The following FREM2 variants were observed in gnomAD, a reference collection of about 807,000 sequenced individuals.
The protein encoded by FREM2 is FRAS1 related extracellular matrix 2, also known as FRAS1-related extracellular matrix protein 2.
FREM2 carries 119 observed loss-of-function variants against 219.9 expected under a neutral mutation model. That is an observed-to-expected ratio of 0.54 (90% CI 0.47 to 0.63). The LOEUF is 0.63. Among genes scored for constraint, FREM2 ranks in the 30% least tolerant of loss-of-function variants. FREM2 has a pLI of 0.00. For missense variants in FREM2, 4,030 were observed against 3,993.6 expected (o/e 1.01, Z -0.25); for synonymous variants, 1,562 against 1,522.8 (o/e 1.03, Z -0.60).
At chr13:38,834,458 A>G (rs562994947) in intron 6 of FREM2, among the ~76,000 whole-genome samples, 186 of 152,288 alleles carry the variant, frequency 1.2e-3, no homozygotes, top group African/African-American at 4.3e-3. Flanking sequence ...ATCTTTGGCT[A>G]TATACCCAGT....
chr13:38,850,261 G>T (rs375180649), intron 9 of FREM2, 26 bp downstream of exon 9: 30 of 1,608,494 alleles, frequency 1.9e-5, no homozygotes, highest in Non-Finnish European at 2.0e-5. Flanking sequence ...AAATTTTTTC[G>T]TGAAATTTGA....
intron 6 of FREM2, among the ~76,000 whole-genome samples, chr13:38,802,325 C>G (rs1290382090): frequency 6.6e-6 from 1 of 152,160 alleles, no homozygotes; most frequent in Admixed American, 6.5e-5. Context: ...CCCACAGCAG[C>G]CGGCAACAGT....
intron 2 of FREM2, among the ~76,000 whole-genome samples, chr13:38,748,897 G>A (rs569270839): frequency 2.6e-5 from 4 of 152,162 alleles, no homozygotes; most frequent in Non-Finnish European, 5.9e-5. Context: ...AAGAACAAAG[G>A]TAAGGCTGTG....
chr13:38,860,465 C>A (rs935225173), intron 14 of FREM2, among the ~76,000 whole-genome samples: 1 of 152,186 alleles, frequency 6.6e-6, no homozygotes, highest in Non-Finnish European at 1.5e-5. Flanking sequence ...TATTTGCACA[C>A]CGCATTCAAA....
intron 2 of FREM2, among the ~76,000 whole-genome samples, chr13:38,718,083 G>C (rs370059991): frequency 6.6e-6 from 1 of 152,112 alleles, no homozygotes; most frequent in African/African-American, 2.4e-5. Flanking sequence ...TACCCAAAAA[G>C]ACATCATTTA....
intron 3 of FREM2, among the ~76,000 whole-genome samples, chr13:38,766,528 G>A (rs1020594331): frequency 2.0e-5 from 3 of 151,980 alleles, no homozygotes; most frequent in African/African-American, 7.3e-5. Flanking sequence ...CAATGAATAC[G>A]TTGCTTATAA....
intron 14 of FREM2, among the ~76,000 whole-genome samples, chr13:38,861,072 TACTG>T (rs1347695601): frequency 6.6e-6 from 1 of 152,270 alleles, no homozygotes; most frequent in Admixed American, 6.5e-5. Flanking sequence ...ACTTTTATCC[TACTG>T]ACTTTCAGTC....
At chr13:38,696,870 C>T (rs1276290571) in intron 1 of FREM2, among the ~76,000 whole-genome samples, 1 of 149,854 alleles carries the variant, frequency 6.7e-6, no homozygotes, top group East Asian at 2.0e-4. Context: ...TGCAGTGGTG[C>T]GACCTCAGCT....
intron 6 of FREM2, among the ~76,000 whole-genome samples, chr13:38,825,616 A>G (rs1036103501): frequency 6.6e-6 from 1 of 152,130 alleles, no homozygotes; most frequent in African/African-American, 2.4e-5. Flanking sequence ...TGCAGTTTAT[A>G]TTCAGCTATT....
chr13:38,693,791 GC>G (rs1869998034), intron 1 of FREM2, among the ~76,000 whole-genome samples: 1 of 152,174 alleles, frequency 6.6e-6, no homozygotes, highest in South Asian at 2.1e-4. Flanking sequence ...TGAGGTGCTG[GC>G]AAATAGCTCC....
At chr13:38,752,272 C>T (rs1028750087) in intron 2 of FREM2, among the ~76,000 whole-genome samples, 1 of 152,140 alleles carries the variant, frequency 6.6e-6, no homozygotes, top group African/African-American at 2.4e-5. Context: ...TAGTTTCTCA[C>T]AGGAGCAATA....
chr13:38,703,717 C>A (rs1870429255), intron 2 of FREM2, among the ~76,000 whole-genome samples: 2 of 152,042 alleles, frequency 1.3e-5, no homozygotes, highest in Non-Finnish European at 2.9e-5. Context: ...TATTATTATT[C>A]TTTAGATTCA....
In FREM2 at chr13:38,689,296, G is replaced by T. The variant is rs1422448296; in HGVS notation, c.1952G>T (p.Gly651Val). 3 of 1,613,964 alleles carry T rather than the reference G, an allele frequency of 1.9e-6. No homozygotes were observed. In the African/African-American group the frequency reaches 4.0e-5, roughly 22 times the overall value. ...TEWQQQDITE[G>V]RLFYRHSGPH... is the part of the protein sequence containing the mutation. ...TGGCAGCAGCAGGACATAACAGAGG[G>T]CAGGCTGTTCTATAGACACTCTGGG... Residue 651 changes from glycine to valine, a missense_variant, in exon 1 of 24, where the codon GGC becomes GTC. Physicochemically the swap from Gly to Val is moderately radical, Grantham distance 109 (BLOSUM62 -3). Coordinates refer to ENST00000280481, the MANE Select transcript of FREM2 (RefSeq NM_207361.6).
In FREM2 at chr13:38,856,045, TAAAAAAAAAAA is replaced by T. The variant is rs34182165; in HGVS notation, c.6926-69_6926-59del. On this transcript the variant is annotated intron_variant, in intron 11 of 23. Transcript: ENST00000280481. Reference sequence around the variant, plus strand: ...ATGTATTTCTCATTGTAGGCCACAGTAAAAAAAAAAAAAAAAAAAAAATAGAAAACTTCTCA... The same window carrying T: ...ATGTATTTCTCATTGTAGGCCACAGTAAAAAAAAAAATAGAAAACTTCTCA... 4.0e-5 allele frequency: 24 copies of T among 601,372 alleles called. No homozygotes were observed. In the South Asian group the frequency reaches 4.2e-4, roughly 10 times the overall value. 37.3% of individuals were successfully genotyped at this position (601,372 alleles called of 1,614,324 possible).
Position 38,688,563 on chromosome 13 carries a change from C to A in FREM2, c.1219C>A (p.Leu407Ile). Residue 407 changes from leucine (L) to isoleucine (I), a missense_variant, in exon 1 of 24, where the codon CTC becomes ATC. Transcript: ENST00000280481. Reference sequence around the variant, plus strand: ...TTCTGAAGACTCTGACCAGGAGCGCCTCTTTGAACTGGAATTGGAGGTAGT... The same window carrying A: ...TTCTGAAGACTCTGACCAGGAGCGCATCTTTGAACTGGAATTGGAGGTAGT... ...PPSEDSDQER[L>I]FELELEVVDL... The A allele has an allele frequency of 6.2e-7, 1 of 1,613,610 alleles. No homozygotes were observed. The highest frequency in any genetic ancestry group is 8.5e-7 in the Non-Finnish European group (1 of 1,179,668).
At chr13:38,700,772 G>C (rs1870313661) in intron 2 of FREM2, among the ~76,000 whole-genome samples, 1 of 152,128 alleles carries the variant, frequency 6.6e-6, no homozygotes, top group South Asian at 2.1e-4. Context: ...ATTCAGGATA[G>C]GGATAAGAGG....
intron 2 of FREM2, among the ~76,000 whole-genome samples, chr13:38,709,931 G>A (rs1870698500): frequency 6.6e-6 from 1 of 150,878 alleles, no homozygotes; most frequent in Admixed American, 6.6e-5. Context: ...ATCACTTGTG[G>A]TCAGGAGTTC....
At chr13:38,860,718 G>T (rs1877731047) in intron 14 of FREM2, among the ~76,000 whole-genome samples, 2 of 152,086 alleles carry the variant, frequency 1.3e-5, no homozygotes, top group Non-Finnish European at 2.9e-5. Context: ...CAGCGTCTTG[G>T]TTCCTTTCAT....
intron 10 of FREM2, 55 bp from the exon 11 acceptor site, chr13:38,851,631 G>C (rs1048723530): frequency 6.3e-5 from 83 of 1,311,084 alleles, no homozygotes; most frequent in Non-Finnish European, 8.6e-5. Context: ...AGAAATGGAG[G>C]AAAAGCATTC....
Sources: gnomAD v4.1 joint callset for allele counts (sites outside exome capture counted in the v4.1 genomes callset) on GRCh38, gnomAD v4.1.1 for gene constraint, MANE v1.5 for transcripts, NCBI Gene and HGNC (gene_info 2026-07-23, HGNC 2026-07-21) for gene names.